Variants in HDAC9 observed in about 807,000 individuals in gnomAD.
HDAC9 encodes the protein MEF-2 interacting transcription repressor (MITR) protein.
Under a neutral mutation model 139.4 loss-of-function variants are expected in HDAC9, and 41 were observed. The observed-to-expected ratio is 0.29, with a 90% CI of 0.23 to 0.38. HDAC9 has a LOEUF of 0.38. Among genes scored for constraint, HDAC9 ranks in the 10% least tolerant of loss-of-function variants. HDAC9 has a pLI of 1.00. For synonymous variants in HDAC9, 517 were observed against 476.2 expected (o/e 1.09, Z -1.12); for missense variants, 1,147 against 1,297.0 (o/e 0.88, Z 1.78).
chr7:18,461,894 C>G (rs147361947), intron 1 of HDAC9, among the ~76,000 whole-genome samples: 1 of 151,940 alleles, frequency 6.6e-6, no homozygotes, highest in East Asian at 1.9e-4. Flanking sequence ...TCTTATGTAC[C>G]AGACATTCAG....
intron 17 of HDAC9, among the ~76,000 whole-genome samples, chr7:18,825,271 A>G (rs1306995755): frequency 2.0e-5 from 3 of 152,232 alleles, no homozygotes; most frequent in Non-Finnish European, 4.4e-5. Context: ...GCAGAGGAAA[A>G]GACAAAGACT....
chr7:18,189,315 G>C (rs1790157900), intron 2 of HDAC9, among the ~76,000 whole-genome samples: 1 of 151,734 alleles, frequency 6.6e-6, no homozygotes, highest in East Asian at 1.9e-4. Flanking sequence ...ACACAGAGAG[G>C]GGAACAACAC....
chr7:18,436,459 G>T (rs1791212204), intron 1 of HDAC9, among the ~76,000 whole-genome samples: 1 of 152,142 alleles, frequency 6.6e-6, no homozygotes, highest in South Asian at 2.1e-4. Flanking sequence ...AAATCCATAT[G>T]TGGTTTTGTT....
At chr7:18,686,752 T>A (rs922956667) in intron 12 of HDAC9, among the ~76,000 whole-genome samples, 1 of 151,866 alleles carries the variant, frequency 6.6e-6, no homozygotes, top group Middle Eastern at 3.4e-3. Context: ...TTTTTCCTCT[T>A]CTCCGTACAT....
chr7:18,521,210 G>T (rs527947121), intron 2 of HDAC9, among the ~76,000 whole-genome samples: 2 of 152,244 alleles, frequency 1.3e-5, no homozygotes, highest in Admixed American at 1.3e-4. Flanking sequence ...ATTACATTCT[G>T]CTACAAACCT....
chr7:18,514,488 T>C (rs1465680253), intron 2 of HDAC9, among the ~76,000 whole-genome samples: 2 of 152,234 alleles, frequency 1.3e-5, no homozygotes, highest in African/African-American at 4.8e-5. Context: ...TGGGCTAAAA[T>C]AGAAATTTCA....
At chr7:18,134,797 A>G (rs1050631660) in intron 1 of HDAC9, among the ~76,000 whole-genome samples, 2 of 152,180 alleles carry the variant, frequency 1.3e-5, no homozygotes, top group Admixed American at 1.3e-4. Flanking sequence ...TTCATCCAGG[A>G]AAAAGAAAAT....
chr7:18,175,385 A>G (rs1372939105), intron 2 of HDAC9, among the ~76,000 whole-genome samples: 1 of 152,194 alleles, frequency 6.6e-6, no homozygotes, highest in Non-Finnish European at 1.5e-5. Flanking sequence ...TTGGCTAGGA[A>G]AGGGAATTCC....
At chr7:18,222,445 C>T (rs1792770023) in intron 2 of HDAC9, among the ~76,000 whole-genome samples, 1 of 152,096 alleles carries the variant, frequency 6.6e-6, no homozygotes, top group South Asian at 2.1e-4. Flanking sequence ...TTATTATGAG[C>T]TTCTTAATCT....
At chr7:18,201,919 G>T (rs1791158626) in intron 2 of HDAC9, among the ~76,000 whole-genome samples, 1 of 152,194 alleles carries the variant, frequency 6.6e-6, no homozygotes, top group Non-Finnish European at 1.5e-5. Flanking sequence ...CCGGTAATGA[G>T]AGATGGCACC....
chr7:18,736,390 T>C (rs538462785), intron 13 of HDAC9, among the ~76,000 whole-genome samples: 1 of 152,346 alleles, frequency 6.6e-6, no homozygotes, highest in East Asian at 1.9e-4. Flanking sequence ...ATAGCTCTTA[T>C]TATTTTGAGA....
At chr7:18,311,327 T>C (rs1799305186) in intron 1 of HDAC9, among the ~76,000 whole-genome samples, 2 of 152,092 alleles carry the variant, frequency 1.3e-5, no homozygotes, top group South Asian at 4.1e-4. Context: ...ATGTATATAT[T>C]GTATATGATT....
chr7:18,423,184 A>G (rs1001957603), intron 1 of HDAC9, among the ~76,000 whole-genome samples: 2 of 152,232 alleles, frequency 1.3e-5, no homozygotes, highest in Non-Finnish European at 2.9e-5. Context: ...CAAAAAGTAC[A>G]TTGATTATTT....
rs1021561277 is a variant in HDAC9, at chr7:18,728,889, A to T, written c.1909+1132A>T. On this transcript the variant is annotated intron_variant, in intron 13 of 25. Transcript: ENST00000686413. ...GTGACTTTTTATAATGTTTTATGCC[A>T]TAAGAAAACATTCCATACTAGGAGC... Among the ~76,000 whole-genome samples the T allele has an allele frequency of 3.3e-5, 5 of 152,356 alleles. No homozygotes were observed. In the East Asian group the frequency reaches 7.7e-4, roughly 23 times the overall value.
chr7:18,226,257 T>A (rs1325538986), intron 2 of HDAC9, among the ~76,000 whole-genome samples: 2 of 152,142 alleles, frequency 1.3e-5, no homozygotes, highest in Admixed American at 1.3e-4. Context: ...GCAAATAATC[T>A]TTCTAATATT....
chr7:18,476,584 C>T (rs1006344530), intron 1 of HDAC9, among the ~76,000 whole-genome samples: 1 of 151,902 alleles, frequency 6.6e-6, no homozygotes, highest in South Asian at 2.1e-4. Flanking sequence ...TGGACTTTCT[C>T]TTTAAACTTT....
chr7:18,366,182 A>G (rs1671049120), intron 1 of HDAC9, among the ~76,000 whole-genome samples: 1 of 152,082 alleles, frequency 6.6e-6, no homozygotes, highest in African/African-American at 2.4e-5. Context: ...GTGGAGGGAA[A>G]CTGATCATGG....
At chr7:18,285,690 A>G (rs1018274263), upstream of HDAC9, among the ~76,000 whole-genome samples, 7 of 152,056 alleles carry the variant, frequency 4.6e-5, no homozygotes, top group Non-Finnish European at 1.0e-4. Context: ...TTACCAGTGA[A>G]GTTGAGTGTT....
chr7:18,878,794 T>G (rs1490972538), intron 22 of HDAC9, among the ~76,000 whole-genome samples: 2 of 151,300 alleles, frequency 1.3e-5, no homozygotes, highest in Non-Finnish European at 2.9e-5. Flanking sequence ...TCAACACACT[T>G]TAGAAATCCT....
Sources: allele counts gnomAD v4.1 joint callset (sites outside exome capture counted in the v4.1 genomes callset), GRCh38; gene constraint gnomAD v4.1.1; transcripts MANE v1.5; gene names NCBI Gene and HGNC (gene_info 2026-07-23, HGNC 2026-07-21).